KANSL1L: variants seen among roughly 807,000 people sequenced by gnomAD.
KANSL1L encodes KAT8 regulatory NSL complex subunit 1 like, also known as KAT8 regulatory NSL complex subunit 1-like protein.
In KANSL1L, 25 loss-of-function variants were observed where a neutral mutation model predicts 108.6. The ratio of observed to expected loss-of-function variants is 0.23; its 90% CI spans 0.17 to 0.32. KANSL1L has a LOEUF of 0.32. Ranked by LOEUF, KANSL1L falls within the 10% of genes least tolerant of loss-of-function variation. The probability of loss-of-function intolerance (pLI) is 1.00; values close to 1 mark genes in which losing one functional copy is unlikely to be tolerated. For missense variants in KANSL1L, 1,137 were observed against 1,125.7 expected, an observed-to-expected ratio of 1.01 and a Z score of -0.14; for synonymous variants, 405 against 395.1, an observed-to-expected ratio of 1.03 and a Z score of -0.30.
Position 210,104,307 on chromosome 2 carries a change from C to T in KANSL1L, c.1231-6G>A. On this transcript the variant is annotated splice_polypyrimidine_tract_variant and splice_region_variant and intron_variant, in intron 3 of 14. Transcript: ENST00000281772. ...TCTTCTAGGACCACTATCCCCTAGA[C>T]AAAAAACAATGAGAAAGTTGAAATG... 1 of 1,604,788 alleles carries T rather than the reference C, an allele frequency of 6.2e-7. No individual in the cohort carries two copies. Among genetic ancestry groups the T allele is most frequent in the African/African-American group, 1.3e-5 (1 of 74,680 alleles).
chr2:210,093,586 G>C (rs746921141), intron 5 of KANSL1L, among the ~76,000 whole-genome samples: 2 of 152,112 alleles, frequency 1.3e-5, no homozygotes, highest in Non-Finnish European at 2.9e-5. Context: ...CTCAAAAAAA[G>C]CAGACTGCTG....
At chr2:210,116,764 A>G (rs756906419) in intron 3 of KANSL1L, among the ~76,000 whole-genome samples, 2 of 152,220 alleles carry the variant, frequency 1.3e-5, no homozygotes, top group African/African-American at 4.8e-5. Context: ...AGCATTCTCA[A>G]GAAGGACTGG....
At chr2:210,121,894 A>T (rs1360430000) in intron 3 of KANSL1L, among the ~76,000 whole-genome samples, 1 of 152,186 alleles carries the variant, frequency 6.6e-6, no homozygotes, top group Non-Finnish European at 1.5e-5. Context: ...ATATGCCAAC[A>T]GCATACAATC....
At chr2:210,102,121 G>T (rs1369584511) in intron 4 of KANSL1L, among the ~76,000 whole-genome samples, 2 of 152,146 alleles carry the variant, frequency 1.3e-5, no homozygotes, top group Admixed American at 1.3e-4. Context: ...TATTATTTCT[G>T]AGAGCTCTGT....
At chr2:210,158,701 T>TAA (rs11318111) in intron 1 of KANSL1L, among the ~76,000 whole-genome samples, 10 of 136,792 alleles carry the variant, frequency 7.3e-5, no homozygotes, top group Admixed American at 1.5e-4. Flanking sequence ...TGTATCCTTA[T>TAA]AAAAAAAAAA....
chr2:210,073,781 A>ACG (rs1007735500), intron 6 of KANSL1L, among the ~76,000 whole-genome samples: 5 of 147,298 alleles, frequency 3.4e-5, no homozygotes, highest in African/African-American at 1.1e-4. Context: ...ACAAACACAC[A>ACG]CACACACACA....
rs888311466 is a variant in KANSL1L, at chr2:210,040,474, C to G, written c.1975G>C (p.Gly659Arg). Residue 659 changes from glycine (G) to arginine (R), a missense_variant, in exon 8 of 15, where the codon GGC becomes CGC. Transcript: ENST00000281772. ...ACAAATTTATTTTCAGCAAGATTGCCTTTTATTTCAGTCTTTTTTAACAGT... is the reference window on the plus strand; with the variant it reads ...ACAAATTTATTTTCAGCAAGATTGCGTTTTATTTCAGTCTTTTTTAACAGT... ...ETLLKKTEIK[G>R]NLAENKFVDE... The G allele has an allele frequency of 7.6e-6, 12 of 1,569,500 alleles. No homozygotes were observed. The Admixed American group carries it at 1.6e-4, about 21-fold the overall frequency.
At chr2:210,143,415 T>A (rs2095243925) in intron 2 of KANSL1L, among the ~76,000 whole-genome samples, 1 of 152,206 alleles carries the variant, frequency 6.6e-6, no homozygotes, top group Non-Finnish European at 1.5e-5. Flanking sequence ...ATATATGTTT[T>A]TAAATTGGAT....
intron 2 of KANSL1L, among the ~76,000 whole-genome samples, chr2:210,135,218 A>G (rs2095163129): frequency 6.6e-6 from 1 of 152,156 alleles, no homozygotes. Context: ...TCACCACATC[A>G]TGATGAACCA....
At chr2:210,147,783 T>C (rs2095275780) in intron 2 of KANSL1L, among the ~76,000 whole-genome samples, 1 of 152,220 alleles carries the variant, frequency 6.6e-6, no homozygotes, top group African/African-American at 2.4e-5. Context: ...GTTTTCAGTC[T>C]CTTTGCCCTT....
At chr2:210,035,230 AC>A (rs1279184554) in intron 8 of KANSL1L, 1 of 152,184 alleles carries the variant, frequency 6.6e-6, no homozygotes, top group Non-Finnish European at 1.5e-5. Flanking sequence ...AACTTTCATA[AC>A]TTTGAACATT....
intron 4 of KANSL1L, among the ~76,000 whole-genome samples, chr2:210,098,820 G>GT (rs59310373): frequency 6.6e-6 from 1 of 150,760 alleles, no homozygotes; most frequent in African/African-American, 2.4e-5. Flanking sequence ...AAATATCAGA[G>GT]TTTTTTTTTT....
chr2:210,043,696 C>T, intron 7 of KANSL1L: 1 of 322,830 alleles, frequency 3.1e-6, no homozygotes. Flanking sequence ...CTAGTAATTT[C>T]CCAAAGTAAA....
At chr2:210,061,455 C>T (rs1227770213) in intron 6 of KANSL1L, among the ~76,000 whole-genome samples, 1 of 152,162 alleles carries the variant, frequency 6.6e-6, no homozygotes, top group Non-Finnish European at 1.5e-5. Flanking sequence ...GCTGAAGAAG[C>T]ATATTATGAT....
intron 3 of KANSL1L, among the ~76,000 whole-genome samples, chr2:210,113,347 GA>G (rs1332493942): frequency 1.3e-5 from 2 of 151,988 alleles, no homozygotes; most frequent in Non-Finnish European, 1.5e-5. Flanking sequence ...TGCAGGCTCA[GA>G]AAAAATAAGA....
chr2:210,044,270 A>G lies in KANSL1L; in HGVS notation c.1756-166T>C, dbSNP rs143258949. The stretch of plus-strand genomic sequence containing the variant: ...ATTAACTTTAATATTTATTAATTCA[A>G]TCATAAAAGGGATGTAAAAATATAA... On this transcript the variant is annotated intron_variant, in intron 6 of 14. Transcript: ENST00000281772. This position sits in a 1 kb window ranked among gnomAD's most constrained non-coding sequence, Gnocchi z 4.2. Among the ~76,000 whole-genome samples, 401 of 152,306 alleles carry G rather than the reference A, an allele frequency of 2.6e-3. No homozygotes were observed. The highest frequency in any genetic ancestry group is 9.1e-3 in the African/African-American group (377 of 41,578).
At position 210,104,420 on chromosome 2, in the gene KANSL1L, A is replaced by C. The variant is rs551161584; in HGVS notation, c.1231-119T>G. ...TATCTCTTGGAATTCAGAAAATATA[A>C]ACTTGATAGTTTAACTCTGTAAAGA... is the stretch of plus-strand genomic sequence containing the variant. On this transcript the variant is annotated intron_variant, in intron 3 of 14. Transcript: ENST00000281772. 5.8e-5 allele frequency: 41 copies of C among 701,656 alleles called. No individual in the cohort carries two copies. The East Asian group carries it at 1.1e-3, about 18-fold the overall frequency. 43.5% of individuals were successfully genotyped at this position (701,656 alleles called of 1,614,324 possible).
chr2:210,072,732 T>C (rs759626515), intron 6 of KANSL1L, among the ~76,000 whole-genome samples: 2 of 152,150 alleles, frequency 1.3e-5, no homozygotes, highest in Non-Finnish European at 2.9e-5. Flanking sequence ...GCTCACCTCC[T>C]GCTGTGTGAC....
At chr2:210,028,086 T>G (rs2093961926) in intron 11 of KANSL1L, among the ~76,000 whole-genome samples, 1 of 152,202 alleles carries the variant, frequency 6.6e-6, no homozygotes, top group East Asian at 1.9e-4. Flanking sequence ...CATTCATGAT[T>G]TCTAAAAAGT....
Sources: gnomAD v4.1 joint callset for allele counts (sites outside exome capture counted in the v4.1 genomes callset) on GRCh38, gnomAD v4.1.1 for gene constraint, Gnocchi (gnomAD v3.1) non-coding constraint, MANE v1.5 for transcripts, NCBI Gene and HGNC (gene_info 2026-07-23, HGNC 2026-07-21) for gene names.